The following C4orf51 variants were observed in gnomAD, a reference collection of about 807,000 sequenced individuals.
C4orf51 encodes the protein uncharacterized protein C4orf51.
C4orf51 carries 25 observed loss-of-function variants against 25.2 expected under a neutral mutation model. The ratio of observed to expected loss-of-function variants is 0.99; its 90% CI spans 0.72 to 1.39. The LOEUF is 1.39. Among genes scored for constraint, C4orf51 ranks in the 40% most tolerant of loss-of-function variants. The pLI, the probability that C4orf51 is intolerant of heterozygous loss-of-function variation, is 0.00. For synonymous variants in C4orf51, 100 were observed against 84.5 expected (o/e 1.18, Z -1.01); for missense variants, 252 against 239.6 (o/e 1.05, Z -0.34).
the C4orf51 span, among the ~76,000 whole-genome samples, chr4:145,789,560 C>T: frequency 0.011 from 1,725 of 152,238 alleles, 40 homozygotes; most frequent in African/African-American, 0.04. Context: ...TACAACACAA[C>T]AAAACAAAAG....
downstream of C4orf51, among the ~76,000 whole-genome samples, chr4:145,772,977 T>C (rs989557384): frequency 6.6e-6 from 1 of 152,158 alleles, no homozygotes; most frequent in Admixed American, 6.5e-5. Flanking sequence ...CCTAGCCATA[T>C]GGTTTCTATG....
intron 1 of C4orf51, among the ~76,000 whole-genome samples, chr4:145,745,805 C>T (rs1733338087): frequency 6.6e-6 from 1 of 152,126 alleles, no homozygotes; most frequent in African/African-American, 2.4e-5. Flanking sequence ...CCAAACTGTT[C>T]TCCATAGTGG....
chr4:145,740,916 C>T (rs1733063268), intron 1 of C4orf51, among the ~76,000 whole-genome samples: 1 of 152,180 alleles, frequency 6.6e-6, no homozygotes, highest in Admixed American at 6.5e-5. Flanking sequence ...ACCTTTCCTC[C>T]CATTCTATCT....
chr4:145,718,702 G>A (rs1731552307), intron 2 of C4orf51, among the ~76,000 whole-genome samples: 1 of 152,200 alleles, frequency 6.6e-6, no homozygotes, highest in African/African-American at 2.4e-5. Flanking sequence ...GGAAGGTCTT[G>A]CACGAATGTG....
At chr4:145,686,835 T>C (rs1310479472) in intron 1 of C4orf51, among the ~76,000 whole-genome samples, 1 of 152,218 alleles carries the variant, frequency 6.6e-6, no homozygotes, top group African/African-American at 2.4e-5. Context: ...GATTAATGTA[T>C]GTTTAATAAG....
intron 1 of C4orf51, among the ~76,000 whole-genome samples, chr4:145,749,297 A>G (rs1205383720): frequency 6.6e-6 from 1 of 151,844 alleles, no homozygotes; most frequent in African/African-American, 2.4e-5. Context: ...GGTGAAGTGT[A>G]TTTCTTGCAG....
chr4:145,743,542 C>G (rs1029496708), intron 1 of C4orf51, among the ~76,000 whole-genome samples: 5 of 152,208 alleles, frequency 3.3e-5, no homozygotes, highest in Non-Finnish European at 5.9e-5. Context: ...TACTGTCTCT[C>G]AACACAGCTA....
At chr4:145,718,321 C>T (rs1339232759) in intron 2 of C4orf51, among the ~76,000 whole-genome samples, 2 of 152,208 alleles carry the variant, frequency 1.3e-5, no homozygotes, top group African/African-American at 4.8e-5. Context: ...AATCAGCTAC[C>T]TGGAAATGCT....
At chr4:145,785,098 G>C in the C4orf51 span, among the ~76,000 whole-genome samples, 1 of 152,148 alleles carries the variant, frequency 6.6e-6, no homozygotes, top group African/African-American at 2.4e-5. Context: ...AGGTGTGTAG[G>C]ATTAAGCACT....
chr4:145,733,852 A>G (rs1384442205), downstream of C4orf51, among the ~76,000 whole-genome samples: 1 of 152,166 alleles, frequency 6.6e-6, no homozygotes, highest in Non-Finnish European at 1.5e-5. Context: ...CCCAGTAGAC[A>G]TCCCAGGCAG....
downstream of C4orf51, among the ~76,000 whole-genome samples, chr4:145,735,110 T>C (rs970377641): frequency 1.3e-5 from 2 of 152,192 alleles, no homozygotes; most frequent in African/African-American, 4.8e-5. Flanking sequence ...TTAGCATGTA[T>C]TGTAGTGGAG....
At chr4:145,786,555 T>C in the C4orf51 span, among the ~76,000 whole-genome samples, 1 of 152,322 alleles carries the variant, frequency 6.6e-6, no homozygotes, top group Non-Finnish European at 1.5e-5. Context: ...AAACTGAAAT[T>C]CTGAAATCCT....
intron 4 of C4orf51, 128 bp from the exon 5 acceptor site, chr4:145,729,764 A>AG: frequency 1.4e-6 from 1 of 695,370 alleles, no homozygotes. Context: ...GTGGCAGAGG[A>AG]GGGGGCTGTG....
downstream of C4orf51, among the ~76,000 whole-genome samples, chr4:145,771,757 A>G (rs1428985867): frequency 6.6e-6 from 1 of 152,234 alleles, no homozygotes; most frequent in Non-Finnish European, 1.5e-5. Flanking sequence ...AGGAGACTAA[A>G]CAAAATGCGT....
downstream of C4orf51, among the ~76,000 whole-genome samples, chr4:145,736,160 T>C (rs190054126): frequency 1.2e-4 from 18 of 152,074 alleles, no homozygotes; most frequent in Non-Finnish European, 2.5e-4. Context: ...GTAGAAGGAT[T>C]TGACAAACTG....
the C4orf51 span, among the ~76,000 whole-genome samples, chr4:145,776,293 C>CA: frequency 7.9e-5 from 12 of 151,740 alleles, no homozygotes; most frequent in South Asian, 4.2e-4. Flanking sequence ...TCCATCTCTA[C>CA]AAAAAAATTT....
intron 1 of C4orf51, among the ~76,000 whole-genome samples, chr4:145,748,090 C>T (rs4591626): frequency 0.61 from 92,946 of 151,696 alleles, 29,774 homozygotes; most frequent in East Asian, 0.84. Context: ...GTTCAAGTAA[C>T]TGGGTTTCTA....
downstream of C4orf51, among the ~76,000 whole-genome samples, chr4:145,736,582 C>T (rs1732816916): frequency 6.6e-6 from 1 of 152,134 alleles, no homozygotes; most frequent in South Asian, 2.1e-4. Flanking sequence ...GTGCACATGC[C>T]CTGACCTAGG....
chr4:145,699,962 C>T (rs1210429733), intron 2 of C4orf51, among the ~76,000 whole-genome samples: 1 of 152,140 alleles, frequency 6.6e-6, no homozygotes, highest in African/African-American at 2.4e-5. Context: ...ACACCTTCTC[C>T]TTCACCCTTG....
Sources: gnomAD v4.1 joint callset for allele counts (sites outside exome capture counted in the v4.1 genomes callset) on GRCh38, gnomAD v4.1.1 for gene constraint, MANE v1.5 for transcripts, NCBI Gene and HGNC (gene_info 2026-07-23, HGNC 2026-07-21) for gene names.